Variants in TTC6 observed in about 807,000 individuals in gnomAD.
The protein encoded by TTC6 is tetratricopeptide repeat domain 6.
A neutral mutation model predicts 210.4 loss-of-function variants in TTC6; 172 were observed. The observed-to-expected ratio is 0.82, with a 90% confidence interval of 0.72 to 0.93. TTC6 has a LOEUF of 0.93. Ranked by LOEUF, TTC6 falls within the 40% of genes least tolerant of loss-of-function variation. The probability of loss-of-function intolerance (pLI) is 0.00; values close to 1 mark genes in which losing one functional copy is unlikely to be tolerated. For missense variants in TTC6, 2,414 were observed against 2,318.1 expected (o/e 1.04, Z -0.85); for synonymous variants, 804 against 819.6 (o/e 0.98, Z 0.32).
intron 1 of TTC6, among the ~76,000 whole-genome samples, chr14:37,640,436 A>C (rs950606791): frequency 1.6e-4 from 25 of 152,346 alleles, no homozygotes; most frequent in African/African-American, 6.0e-4. Context: ...TTTCAGGTAC[A>C]ATTACTTGGA....
In TTC6 at chr14:37,796,767, A is replaced by T; in HGVS notation, c.3869-20A>T. 1 of 1,587,914 alleles carries T rather than the reference A, an allele frequency of 6.3e-7. No homozygotes were observed. Among genetic ancestry groups the T allele is most frequent in the Non-Finnish European group, 8.5e-7 (1 of 1,170,782 alleles). On this transcript the variant is annotated intron_variant, in intron 19 of 30. Transcript: ENST00000553443. ...ATTGATACTTGGCAAAGATATTGAT[A>T]AACTTTCCTTCCCTTTTAGGTCTCA...
intron 29 of TTC6, among the ~76,000 whole-genome samples, chr14:37,839,232 C>A (rs1021073856): frequency 6.6e-6 from 1 of 152,178 alleles, no homozygotes; most frequent in African/African-American, 2.4e-5. Flanking sequence ...CTGTCTTCCA[C>A]AATGGTTGAA....
chr14:37,823,919 T>C, exon 27 of TTC6: 2 of 1,613,946 alleles, frequency 1.2e-6, no homozygotes, highest in Non-Finnish European at 1.7e-6. Flanking sequence ...TAATCCAGCA[T>C]ACATAAAAGC....
chr14:37,804,673 A>G lies in TTC6; in HGVS notation c.4030-7A>G. Reference sequence around the variant, plus strand: ...CTTGCCCCCTCCCTGCTTTTTTATCATTATAGGAAGCTGTGGAAGTGCTTA... The same window carrying G: ...CTTGCCCCCTCCCTGCTTTTTTATCGTTATAGGAAGCTGTGGAAGTGCTTA... On this transcript the variant is annotated splice_region_variant and splice_polypyrimidine_tract_variant and intron_variant, in intron 20 of 30. Coordinates refer to ENST00000553443, the Ensembl canonical transcript of TTC6. The G allele has an allele frequency of 6.2e-7, 1 of 1,605,958 alleles. No individual in the cohort carries two copies. Among genetic ancestry groups the G allele is most frequent in the African/African-American group, 1.3e-5 (1 of 74,420 alleles).
intron 1 of TTC6, among the ~76,000 whole-genome samples, chr14:37,630,907 GTTTTTTTTTTTTTTTTTTTTTTTT>G (rs746429138): frequency 3.9e-4 from 13 of 33,068 alleles, no homozygotes; most frequent in South Asian, 3.9e-3. Flanking sequence ...GGCAACCCCT[GTTTTTTTTTTTTTTTTTTTTTTTT>G]TTTTTTTTTT....
chr14:37,646,930 T>G (rs1306134481), intron 1 of TTC6, among the ~76,000 whole-genome samples: 4 of 152,174 alleles, frequency 2.6e-5, no homozygotes, highest in African/African-American at 9.6e-5. Flanking sequence ...TTTATGAAAC[T>G]TTTTTTACCC....
intron 14 of TTC6, among the ~76,000 whole-genome samples, chr14:37,773,293 G>T (rs1288886501): frequency 6.6e-6 from 1 of 152,144 alleles, no homozygotes; most frequent in Non-Finnish European, 1.5e-5. Flanking sequence ...TGTCAACTTT[G>T]TTTTTGTTGC....
intron 14 of TTC6, among the ~76,000 whole-genome samples, chr14:37,767,485 T>G (rs1400826301): frequency 2.6e-5 from 4 of 152,108 alleles, no homozygotes; most frequent in African/African-American, 4.8e-5. Context: ...TTTTAATGAT[T>G]GCCATTCTAA....
At chr14:37,702,477 C>A (rs2095827393) in intron 5 of TTC6, among the ~76,000 whole-genome samples, 1 of 152,132 alleles carries the variant, frequency 6.6e-6, no homozygotes, top group South Asian at 2.1e-4. Context: ...CCCAAAGCAC[C>A]AATTTTTACC....
chr14:37,816,183 A>AT (rs2096141270), intron 25 of TTC6, among the ~76,000 whole-genome samples: 1 of 152,250 alleles, frequency 6.6e-6, no homozygotes, highest in Admixed American at 6.5e-5. Context: ...TCTTGAATCA[A>AT]TGTGGGGTGT....
At chr14:37,819,890 G>A (rs1360531485) in intron 26 of TTC6, among the ~76,000 whole-genome samples, 2 of 152,206 alleles carry the variant, frequency 1.3e-5, no homozygotes, top group Non-Finnish European at 2.9e-5. Context: ...CTTGTTCACA[G>A]AACGTCGTAA....
intron 1 of TTC6, among the ~76,000 whole-genome samples, chr14:37,662,505 C>G (rs1189253206): frequency 6.6e-6 from 1 of 152,016 alleles, no homozygotes; most frequent in Non-Finnish European, 1.5e-5. Context: ...CTGAAGCCAA[C>G]TTGATCGTGG....
At chr14:37,618,723 T>A (rs2095646622), upstream of TTC6, among the ~76,000 whole-genome samples, 1 of 152,210 alleles carries the variant, frequency 6.6e-6, no homozygotes, top group Non-Finnish European at 1.5e-5. Context: ...AAGTTCCTGT[T>A]GAATTTAGAA....
intron 1 of TTC6, among the ~76,000 whole-genome samples, chr14:37,654,668 A>G (rs1019009853): frequency 2.0e-5 from 3 of 152,242 alleles, no homozygotes; most frequent in Non-Finnish European, 4.4e-5. Flanking sequence ...TAGAAAATAT[A>G]TTAAACGTAG....
chr14:37,668,209 G>A (rs1249696060), intron 1 of TTC6, among the ~76,000 whole-genome samples: 1 of 150,104 alleles, frequency 6.7e-6, no homozygotes, highest in African/African-American at 2.4e-5. Flanking sequence ...TAGCATAGAG[G>A]GTTCTTCATA....
intron 7 of TTC6, among the ~76,000 whole-genome samples, chr14:37,725,492 A>C (rs1210054098): frequency 6.6e-6 from 1 of 151,108 alleles, no homozygotes; most frequent in African/African-American, 2.4e-5. Flanking sequence ...CTAGGATTAC[A>C]GGCATGTGCC....
intron 7 of TTC6, among the ~76,000 whole-genome samples, chr14:37,726,881 C>T (rs35350493): frequency 0.057 from 8,648 of 152,056 alleles, 377 homozygotes; most frequent in Non-Finnish European, 0.089. Flanking sequence ...TATATTTTGT[C>T]AGTTTTAATA....
At chr14:37,657,212 CAAA>C (rs61052302) in intron 1 of TTC6, among the ~76,000 whole-genome samples, 46 of 35,634 alleles carry the variant, frequency 1.3e-3, no homozygotes, top group South Asian at 0.011. Flanking sequence ...AACTCTGTCT[CAAA>C]AAAAAAAAAA....
At chr14:37,771,964 A>T (rs2139189112) in intron 14 of TTC6, among the ~76,000 whole-genome samples, 1 of 152,068 alleles carries the variant, frequency 6.6e-6, no homozygotes, top group South Asian at 2.1e-4. Context: ...GATGATGGTG[A>T]TGTACAGATG....
Sources: allele counts gnomAD v4.1 joint callset (sites outside exome capture counted in the v4.1 genomes callset), GRCh38; gene constraint gnomAD v4.1.1; transcripts MANE v1.5; gene names NCBI Gene and HGNC (gene_info 2026-07-23, HGNC 2026-07-21).